Variants in RAI14 observed in about 807,000 individuals in gnomAD.
RAI14 encodes the protein retinoic acid induced 14, also known as ankycorbin.
In RAI14, 45 loss-of-function variants were observed where a neutral mutation model predicts 115.4. The ratio of observed to expected loss-of-function variants is 0.39; its 90% CI spans 0.31 to 0.50. The LOEUF (loss-of-function observed/expected upper bound fraction) is 0.50, where lower values mean the gene tolerates loss of function less well. Among genes scored for constraint, RAI14 ranks in the 20% least tolerant of loss-of-function variants. The pLI, the probability that RAI14 is intolerant of heterozygous loss-of-function variation, is 0.85. For synonymous variants in RAI14, 371 were observed against 415.4 expected (o/e 0.89, Z 1.30); for missense variants, 939 against 1,131.2 (o/e 0.83, Z 2.44).
intron 2 of RAI14, among the ~76,000 whole-genome samples, chr5:34,748,569 T>C (rs1222870846): frequency 6.6e-6 from 1 of 152,204 alleles, no homozygotes; most frequent in Non-Finnish European, 1.5e-5. Context: ...AGAGTTGTCT[T>C]TCCTTGCTAG....
chr5:34,717,083 G>T (rs543042028), intron 2 of RAI14, among the ~76,000 whole-genome samples: 1 of 152,238 alleles, frequency 6.6e-6, no homozygotes, highest in East Asian at 1.9e-4. Flanking sequence ...GTGTATGTGC[G>T]CATGTGTGTG....
chr5:34,684,061 A>G (rs945680336), intron 1 of RAI14, among the ~76,000 whole-genome samples: 5 of 152,228 alleles, frequency 3.3e-5, no homozygotes, highest in Admixed American at 2.0e-4. Context: ...GTTGGCGTAG[A>G]AACCCTGGCC....
At chr5:34,776,720 T>G (rs1388091100) in intron 3 of RAI14, among the ~76,000 whole-genome samples, 2 of 151,904 alleles carry the variant, frequency 1.3e-5, no homozygotes, top group Admixed American at 6.6e-5. Flanking sequence ...GATGGGAGAA[T>G]CGCTTGAGCC....
chr5:34,732,439 AT>A (rs369302342), intron 2 of RAI14, among the ~76,000 whole-genome samples: 28,725 of 133,426 alleles, frequency 0.22, 2,270 homozygotes, highest in Non-Finnish European at 0.24. Context: ...ACCATGCTTG[AT>A]TTTTTTTTTT....
At chr5:34,693,090 C>T (rs1579928827) in intron 2 of RAI14, among the ~76,000 whole-genome samples, 1 of 152,118 alleles carries the variant, frequency 6.6e-6, no homozygotes, top group African/African-American at 2.4e-5. Flanking sequence ...TACATAAAGA[C>T]GCCACTCATA....
intron 1 of RAI14, among the ~76,000 whole-genome samples, chr5:34,670,863 C>G (rs190107659): frequency 2.6e-5 from 4 of 152,336 alleles, no homozygotes; most frequent in African/African-American, 9.6e-5. Context: ...CAACCGTAAT[C>G]TAGACACAGA....
At chr5:34,725,957 C>T (rs1463832780) in intron 2 of RAI14, among the ~76,000 whole-genome samples, 3 of 94,572 alleles carry the variant, frequency 3.2e-5, no homozygotes, top group African/African-American at 1.0e-4. Flanking sequence ...AGCGAAACTG[C>T]TTCTCAAAAA....
At chr5:34,768,035 A>G in intron 3 of RAI14, among the ~76,000 whole-genome samples, 1 of 152,024 alleles carries the variant, frequency 6.6e-6, no homozygotes, top group Non-Finnish European at 1.5e-5. Context: ...ATTCACCGAC[A>G]GTTTGCACCG....
chr5:34,658,382 A>G (rs1283164786), intron 1 of RAI14, among the ~76,000 whole-genome samples: 1 of 152,174 alleles, frequency 6.6e-6, no homozygotes, highest in African/African-American at 2.4e-5. Flanking sequence ...GAAGAAGCAG[A>G]TTTGGAGGTT....
At chr5:34,822,841 G>T (rs971876960) in intron 14 of RAI14, 115 bp from the exon 15 acceptor site, 7 of 916,422 alleles carry the variant, frequency 7.6e-6, no homozygotes, top group Non-Finnish European at 1.1e-5. Flanking sequence ...CCGCCACCAC[G>T]CCCGGCTAAT....
chr5:34,754,250 C>G (rs1747579998), intron 2 of RAI14, among the ~76,000 whole-genome samples: 1 of 152,088 alleles, frequency 6.6e-6, no homozygotes, highest in African/African-American at 2.4e-5. Flanking sequence ...CATATCAGAG[C>G]TAATTGCAAG....
chr5:34,723,325 A>G (rs1455253791), intron 2 of RAI14, among the ~76,000 whole-genome samples: 1 of 152,172 alleles, frequency 6.6e-6, no homozygotes, highest in African/African-American at 2.4e-5. Context: ...GGCTGGCAGA[A>G]TCGGAATCTG....
At chr5:34,790,210 A>G (rs1385069704) in intron 3 of RAI14, among the ~76,000 whole-genome samples, 1 of 152,154 alleles carries the variant, frequency 6.6e-6, no homozygotes, top group Non-Finnish European at 1.5e-5. Flanking sequence ...CAGGGCTCCT[A>G]TTTCTAGGAG....
chr5:34,823,919 G>A lies in RAI14; in HGVS notation c.2077G>A (p.Ala693Thr). 6.2e-7 allele frequency: 1 copy of A among 1,614,154 alleles called. No individual in the cohort carries two copies. Among genetic ancestry groups the A allele is most frequent in the South Asian group, 1.1e-5 (1 of 91,050 alleles). ...GATGCAATTGACAAACGTGTCCAGG[G>A]CTAAAGCAGAAGATGCACTGTCTGA... ...KLMQLTNVSR[A>T]KAEDALSEMK... The change falls in exon 15 of 18, where the codon GCT becomes ACT. Residue 693 changes from alanine to threonine, a missense_variant. By Grantham distance (58) the Ala-to-Thr change is moderately conservative. Coordinates refer to ENST00000265109, the MANE Select transcript of RAI14 (RefSeq NM_015577.3). This position sits in a 1 kb window ranked among gnomAD's most constrained non-coding sequence, Gnocchi z 4.5.
At chr5:34,695,030 C>G (rs1171579299) in intron 2 of RAI14, among the ~76,000 whole-genome samples, 2 of 152,120 alleles carry the variant, frequency 1.3e-5, no homozygotes, top group Admixed American at 1.3e-4. Context: ...TTCTGAGTAG[C>G]TGTGATCACA....
At chr5:34,734,349 G>A (rs1198430221) in intron 2 of RAI14, among the ~76,000 whole-genome samples, 1 of 152,198 alleles carries the variant, frequency 6.6e-6, no homozygotes, top group African/African-American at 2.4e-5. Context: ...GCTGGTATTA[G>A]CAGGGCTACC....
At chr5:34,774,071 G>C (rs1271089971) in intron 3 of RAI14, among the ~76,000 whole-genome samples, 1 of 152,130 alleles carries the variant, frequency 6.6e-6, no homozygotes, top group Non-Finnish European at 1.5e-5. Context: ...TGATAAACAA[G>C]CCTGGGCGCA....
In RAI14 at chr5:34,723,099, CA is replaced by C. The variant is rs34763264; in HGVS notation, c.37-34350del. Among the ~76,000 whole-genome samples, 555 of 85,654 alleles carry C rather than the reference CA, an allele frequency of 6.5e-3. 2 individuals carry two copies. Among genetic ancestry groups the C allele is most frequent in the East Asian group, 0.035 (96 of 2,716 alleles). 56.2% of individuals were successfully genotyped at this position (85,654 alleles called of 152,430 possible). On this transcript the variant is annotated intron_variant, in intron 2 of 17. Transcript: ENST00000265109. ...TGGGCGACAGAGTGAGACCCTGTCT[CA>C]AAAAAAAAAAAAAAAAAACCCACTT...
intron 4 of RAI14, among the ~76,000 whole-genome samples, chr5:34,798,241 C>T (rs1580296155): frequency 6.6e-6 from 1 of 151,884 alleles, no homozygotes; most frequent in Non-Finnish European, 1.5e-5. Context: ...GTTTCACCAT[C>T]TTGGCCAGGC....
Sources: allele counts gnomAD v4.1 joint callset (sites outside exome capture counted in the v4.1 genomes callset), GRCh38; gene constraint gnomAD v4.1.1; non-coding constraint Gnocchi (gnomAD v3.1); transcripts MANE v1.5; gene names NCBI Gene and HGNC (gene_info 2026-07-23, HGNC 2026-07-21).